Variants in CNTNAP2 observed in about 807,000 individuals in gnomAD.
CNTNAP2 encodes the protein contactin associated protein 2.
In CNTNAP2, 98 loss-of-function variants were observed where a neutral mutation model predicts 155.2. That is an observed-to-expected ratio of 0.63 (90% CI 0.54 to 0.75). The LOEUF (loss-of-function observed/expected upper bound fraction) is 0.75, where lower values mean the gene tolerates loss of function less well. Ranked by LOEUF, CNTNAP2 falls within the 30% of genes least tolerant of loss-of-function variation. CNTNAP2 has a pLI of 0.00. For synonymous variants in CNTNAP2, 651 were observed against 631.2 expected (o/e 1.03, Z -0.47); for missense variants, 1,727 against 1,688.1 (o/e 1.02, Z -0.40).
At chr7:147,224,729 A>C (rs559986974) in intron 8 of CNTNAP2, among the ~76,000 whole-genome samples, 15 of 152,278 alleles carry the variant, frequency 9.9e-5, no homozygotes, top group African/African-American at 3.4e-4. Flanking sequence ...AGTATGAATG[A>C]GTTTGAATTT....
intron 1 of CNTNAP2, among the ~76,000 whole-genome samples, chr7:146,362,159 A>C (rs577972741): frequency 5.3e-5 from 8 of 152,290 alleles, no homozygotes; most frequent in African/African-American, 1.9e-4. Flanking sequence ...TGAAATAAAA[A>C]CTACTTTACT....
chr7:147,313,090 C>A (rs1795155464), intron 9 of CNTNAP2, among the ~76,000 whole-genome samples: 1 of 129,948 alleles, frequency 7.7e-6, no homozygotes, highest in African/African-American at 3.2e-5. Flanking sequence ...ATGTCCTTCG[C>A]CCACTTTTTG....
chr7:147,680,308 C>A (rs970747788), intron 13 of CNTNAP2, among the ~76,000 whole-genome samples: 2 of 151,910 alleles, frequency 1.3e-5, no homozygotes, highest in African/African-American at 4.8e-5. Flanking sequence ...CTACTTTTCA[C>A]CTTTGTAATA....
chr7:147,681,969 A>C (rs1035113805), intron 13 of CNTNAP2, among the ~76,000 whole-genome samples: 1 of 151,954 alleles, frequency 6.6e-6, no homozygotes, highest in African/African-American at 2.4e-5. Flanking sequence ...ACTAGTGGAG[A>C]GATCTTCTGA....
At chr7:147,131,944 C>T (rs558892548) in intron 7 of CNTNAP2, among the ~76,000 whole-genome samples, 1 of 152,152 alleles carries the variant, frequency 6.6e-6, no homozygotes, top group Non-Finnish European at 1.5e-5. Flanking sequence ...CCACAACACA[C>T]ATACACACTT....
At chr7:146,155,432 C>T (rs985453269) in intron 1 of CNTNAP2, among the ~76,000 whole-genome samples, 5 of 152,044 alleles carry the variant, frequency 3.3e-5, no homozygotes, top group African/African-American at 1.2e-4. Context: ...TTTGGCCTCT[C>T]ATACAATTTT....
At chr7:147,161,622 TTCTC>T (rs3084351) in intron 8 of CNTNAP2, 1 of 151,376 alleles carries the variant, frequency 6.6e-6, no homozygotes, top group Non-Finnish European at 1.5e-5. Context: ...TCATTCAGTA[TTCTC>T]TCTCTCATAG....
intron 3 of CNTNAP2, among the ~76,000 whole-genome samples, chr7:147,010,895 A>G (rs988029248): frequency 1.3e-5 from 2 of 152,066 alleles, no homozygotes; most frequent in Non-Finnish European, 2.9e-5. Context: ...CGCCCCAAAT[A>G]ATTCTTAATT....
At chr7:147,111,269 C>G (rs1323602913) in intron 5 of CNTNAP2, among the ~76,000 whole-genome samples, 1 of 152,138 alleles carries the variant, frequency 6.6e-6, no homozygotes, top group African/African-American at 2.4e-5. Flanking sequence ...AGATATTAGA[C>G]CTTTGTCAGA....
chr7:146,219,328 C>A (rs559981152), intron 1 of CNTNAP2, among the ~76,000 whole-genome samples: 1 of 152,056 alleles, frequency 6.6e-6, no homozygotes, highest in South Asian at 2.1e-4. Context: ...AAATGATTCC[C>A]CTCCAGAATA....
In CNTNAP2 at chr7:147,336,457, C is replaced by T. The variant is rs1236388802; in HGVS notation, c.1498+36167C>T. ...AAACAATCCCAATAGTCCTATTCTTCATAAGACCTTAAGACACTTGGGGTT... is the reference window on the plus strand; with the variant it reads ...AAACAATCCCAATAGTCCTATTCTTTATAAGACCTTAAGACACTTGGGGTT... On this transcript the variant is annotated intron_variant, in intron 9 of 23. Transcript: ENST00000361727. Among the ~76,000 whole-genome samples the T allele has an allele frequency of 7.2e-5, 11 of 152,278 alleles. No homozygotes were observed. The East Asian group carries it at 2.1e-3, about 29-fold the overall frequency.
At chr7:147,472,368 A>C (rs1286688635) in intron 10 of CNTNAP2, among the ~76,000 whole-genome samples, 1 of 151,516 alleles carries the variant, frequency 6.6e-6, no homozygotes, top group Non-Finnish European at 1.5e-5. Context: ...ATGCCCCACC[A>C]CGCCTGGCTA....
At chr7:146,951,064 A>T (rs1388551505) in intron 3 of CNTNAP2, among the ~76,000 whole-genome samples, 2 of 151,918 alleles carry the variant, frequency 1.3e-5, no homozygotes, top group Non-Finnish European at 2.9e-5. Context: ...GCTTTTTTTC[A>T]TATGTTTGTT....
At chr7:147,889,275 T>C (rs1799647754) in intron 13 of CNTNAP2, among the ~76,000 whole-genome samples, 1 of 151,978 alleles carries the variant, frequency 6.6e-6, no homozygotes, top group Non-Finnish European at 1.5e-5. Flanking sequence ...AAGGTACAAA[T>C]ATTTGGAAAT....
rs796775131 is a variant in CNTNAP2 at position 148,045,638 on chromosome 7, C to T, written c.2383+67649C>T. 5.3e-5 allele frequency among the ~76,000 whole-genome samples: 8 copies of T among 152,276 alleles called. 1 individual carries two copies. Among genetic ancestry groups the T allele is most frequent in the African/African-American group, 1.9e-4 (8 of 41,560 alleles). Reference sequence around the variant, plus strand: ...CAGGCAACATAAAATTGTAAGATTTCGCTACGCCTTAGGCAATGAAACTTG... The same window carrying T: ...CAGGCAACATAAAATTGTAAGATTTTGCTACGCCTTAGGCAATGAAACTTG... On this transcript the variant is annotated intron_variant, in intron 15 of 23. Transcript: ENST00000361727.
intron 1 of CNTNAP2, among the ~76,000 whole-genome samples, chr7:146,517,924 G>T (rs886785713): frequency 1.3e-5 from 2 of 151,756 alleles, no homozygotes; most frequent in African/African-American, 2.4e-5. Context: ...TGGAAGAGGC[G>T]CTTTCAAATT....
chr7:147,808,299 T>C (rs2116602917), intron 13 of CNTNAP2, among the ~76,000 whole-genome samples: 1 of 152,140 alleles, frequency 6.6e-6, no homozygotes, highest in East Asian at 1.9e-4. Flanking sequence ...GTCACTTCTA[T>C]AGCATTATAA....
intron 1 of CNTNAP2, among the ~76,000 whole-genome samples, chr7:146,714,423 A>G (rs1029588161): frequency 9.2e-5 from 14 of 152,254 alleles, no homozygotes; most frequent in African/African-American, 3.4e-4. Context: ...GAAGTAAGAC[A>G]CTAAGGTGGA....
intron 15 of CNTNAP2, among the ~76,000 whole-genome samples, chr7:147,980,594 T>C (rs1278126976): frequency 6.6e-6 from 1 of 151,994 alleles, no homozygotes; most frequent in African/African-American, 2.4e-5. Flanking sequence ...AATTGCCTGG[T>C]AGCAGTCAGC....
Sources: gnomAD v4.1 joint callset for allele counts (sites outside exome capture counted in the v4.1 genomes callset) on GRCh38, gnomAD v4.1.1 for gene constraint, MANE v1.5 for transcripts, NCBI Gene and HGNC (gene_info 2026-07-23, HGNC 2026-07-21) for gene names.